SDK2: variants seen among roughly 807,000 people sequenced by gnomAD.
The protein encoded by SDK2 is sidekick cell adhesion molecule 2.
Under a neutral mutation model 253.9 loss-of-function variants are expected in SDK2, and 105 were observed. The observed-to-expected ratio is 0.41, with a 90% CI of 0.35 to 0.49. The LOEUF is 0.49. SDK2 is among the 20% of genes least tolerant of loss of function. The pLI is 0.06. For missense variants in SDK2, 2,608 were observed against 3,003.0 expected (o/e 0.87, Z 3.07); for synonymous variants, 1,249 against 1,234.9 (o/e 1.01, Z -0.24).
At chr17:73,477,688 A>G (rs2063695789) in intron 2 of SDK2, among the ~76,000 whole-genome samples, 1 of 152,054 alleles carries the variant, frequency 6.6e-6, no homozygotes, top group Non-Finnish European at 1.5e-5. Flanking sequence ...CTCCCCCTAG[A>G]ATGGGGATCC....
intron 38 of SDK2, 108 bp downstream of exon 38, chr17:73,365,150 G>C: frequency 1.3e-6 from 1 of 766,846 alleles, no homozygotes; most frequent in Non-Finnish European, 1.9e-6. Flanking sequence ...AAGATGGGGA[G>C]ACTCTCACCG....
intron 1 of SDK2, among the ~76,000 whole-genome samples, chr17:73,606,379 G>C (rs186842626): frequency 1.1e-4 from 16 of 151,832 alleles, no homozygotes; most frequent in African/African-American, 2.7e-4. Context: ...CCTCCTCTGA[G>C]GGGGGGCAGG....
intron 1 of SDK2, among the ~76,000 whole-genome samples, chr17:73,574,379 C>G (rs2045428484): frequency 6.6e-6 from 1 of 152,086 alleles, no homozygotes; most frequent in South Asian, 2.1e-4. Flanking sequence ...TATAAAAGAA[C>G]ATCAGATCCA....
At chr17:73,515,787 C>T (rs1408520511) in intron 1 of SDK2, among the ~76,000 whole-genome samples, 2 of 152,202 alleles carry the variant, frequency 1.3e-5, no homozygotes. Context: ...GGGTTTACAT[C>T]CCATTTCCAT....
At chr17:73,565,254 T>C (rs1055359424) in intron 1 of SDK2, among the ~76,000 whole-genome samples, 8 of 152,152 alleles carry the variant, frequency 5.3e-5, no homozygotes, top group African/African-American at 1.9e-4. Context: ...ACCCAAACCT[T>C]AGGCTGATCT....
At chr17:73,358,369 G>A (rs577789064) in intron 39 of SDK2, among the ~76,000 whole-genome samples, 165 bp from the exon 40 acceptor site, 1 of 152,274 alleles carries the variant, frequency 6.6e-6, no homozygotes, top group East Asian at 1.9e-4. Context: ...CTCAGGCTGG[G>A]CCTGCCAGGA....
intron 1 of SDK2, among the ~76,000 whole-genome samples, chr17:73,571,948 C>A (rs982447739): frequency 6.6e-6 from 1 of 152,304 alleles, no homozygotes; most frequent in Non-Finnish European, 1.5e-5. Context: ...AGGAGGAGCG[C>A]CCGCGGGGCC....
At chr17:73,494,403 C>T (rs935746218) in intron 2 of SDK2, among the ~76,000 whole-genome samples, 12 of 152,144 alleles carry the variant, frequency 7.9e-5, no homozygotes, top group African/African-American at 2.9e-4. Flanking sequence ...CACCGGTGTC[C>T]TCAGCCCAGG....
At chr17:73,428,438 C>A (rs71380179) in intron 12 of SDK2, among the ~76,000 whole-genome samples, 257 of 152,280 alleles carry the variant, frequency 1.7e-3, no homozygotes, top group Non-Finnish European at 3.0e-3. Flanking sequence ...CTCACCCCTG[C>A]ACCTGGCTTT....
chr17:73,626,355 C>A (rs2046202091), intron 1 of SDK2, among the ~76,000 whole-genome samples: 1 of 152,244 alleles, frequency 6.6e-6, no homozygotes, highest in Non-Finnish European at 1.5e-5. Context: ...GAAACCTCCA[C>A]CCCCACCACA....
Position 73,338,805 on chromosome 17 carries a change from T to C in SDK2, c.6301A>G (p.Ser2101Gly), listed in dbSNP as rs777963413. 3.1e-6 allele frequency: 5 copies of C among 1,613,838 alleles called. No homozygotes were observed. In the Admixed American group the frequency reaches 8.3e-5, roughly 27 times the overall value. Residue 2101 changes from serine to glycine, a missense_variant, in exon 45 of 45, where the codon AGC (serine) becomes GGC (glycine). Physicochemically the swap from Ser to Gly is moderately conservative, Grantham distance 56. Around this residue, in one of 2 missense-constraint regions of SDK2, gnomAD observed 1,103 missense variants for 1,143.9 expected, o/e 0.96. Transcript: ENST00000392650. The surrounding 1 kb of genome is among the most constrained non-coding windows in gnomAD (Gnocchi z 5.0). The stretch of plus-strand genomic sequence containing the variant: ...TCACCCGAGTCGCTCTCCGTGTAGC[T>C]GTAGGCCTGTGCCCTCGAGATGCCC... ...QKGISRAQAY[S>G]YTESDSGEPD... is the part of the protein sequence containing the mutation.
At chr17:73,386,395 G>A (rs2145485372) in intron 31 of SDK2, 50 bp downstream of exon 31, 1 of 1,322,746 alleles carries the variant, frequency 7.6e-7, no homozygotes, top group Non-Finnish European at 1.1e-6. Flanking sequence ...CCCATGCCCA[G>A]GAAGCAGCCA....
rs115716471 is a variant in SDK2 at position 73,572,983 on chromosome 17, A to G, written c.65-65386T>C. On this transcript the variant is annotated intron_variant, in intron 1 of 44. Transcript: ENST00000392650. Reference sequence around the variant, plus strand: ...ACCAGGAAGCAGAGCACAGGTGTCTAGTGTCAACACATGCCAAGGTGTCCA... The same window carrying G: ...ACCAGGAAGCAGAGCACAGGTGTCTGGTGTCAACACATGCCAAGGTGTCCA... Among the ~76,000 whole-genome samples the G allele has an allele frequency of 4.9e-3, 747 of 152,304 alleles. 7 individuals carry two copies. The highest frequency in any genetic ancestry group is 0.017 in the African/African-American group (717 of 41,566).
chr17:73,639,847 T>C lies in SDK2; in HGVS notation c.64+4178A>G, dbSNP rs1182883884. ...CTAACAGCCAGCTGGTGTTGAGCAG[T>C]AGTGAGTCCTCCATCATCAAGGGTA... On this transcript the variant is annotated intron_variant, in intron 1 of 44. Transcript: ENST00000392650. This position sits in a 1 kb window ranked among gnomAD's most constrained non-coding sequence, Gnocchi z 4.3. 6.6e-6 allele frequency among the ~76,000 whole-genome samples: 1 copy of C among 152,032 alleles called. No homozygotes were observed. The highest frequency in any genetic ancestry group is 2.4e-5 in the African/African-American group (1 of 41,408).
chr17:73,343,769 C>T (rs1345378567), intron 44 of SDK2, among the ~76,000 whole-genome samples: 1 of 152,158 alleles, frequency 6.6e-6, no homozygotes, highest in Non-Finnish European at 1.5e-5. Context: ...CATCTCCAGC[C>T]CAAAGGATCT....
intron 44 of SDK2, among the ~76,000 whole-genome samples, chr17:73,347,625 CCTT>C (rs1344011017): frequency 6.6e-6 from 1 of 152,226 alleles, no homozygotes; most frequent in Non-Finnish European, 1.5e-5. Flanking sequence ...GGCACCTCTT[CCTT>C]CACTTCCTCT....
chr17:73,483,680 TATTTATATATATATATATA>T (rs2063749260), intron 2 of SDK2, among the ~76,000 whole-genome samples: 1 of 63,438 alleles, frequency 1.6e-5, no homozygotes, highest in African/African-American at 7.0e-5. Context: ...TATATATATA[TATTTATATATATATATATA>T]TATATATATT....
intron 1 of SDK2, among the ~76,000 whole-genome samples, chr17:73,557,329 G>T (rs981324833): frequency 2.0e-5 from 3 of 151,750 alleles, no homozygotes; most frequent in Non-Finnish European, 4.4e-5. Context: ...TTTGAGACAG[G>T]GTCTTGCCTG....
chr17:73,342,785 C>G (rs1218430641), intron 44 of SDK2, among the ~76,000 whole-genome samples: 2 of 152,168 alleles, frequency 1.3e-5, no homozygotes, highest in Non-Finnish European at 1.5e-5. Flanking sequence ...CTCAGGCTCT[C>G]TCAGCCTCAG....
Sources: allele counts gnomAD v4.1 joint callset (sites outside exome capture counted in the v4.1 genomes callset), GRCh38; gene constraint gnomAD v4.1.1; regional missense constraint gnomAD v4.1.1; non-coding constraint Gnocchi (gnomAD v3.1); transcripts MANE v1.5; gene names NCBI Gene and HGNC (gene_info 2026-07-23, HGNC 2026-07-21).